The following SEMA6D variants were observed in gnomAD, a reference collection of about 807,000 sequenced individuals.
SEMA6D encodes the protein semaphorin-6D.
SEMA6D carries 35 observed loss-of-function variants against 106.6 expected under a neutral mutation model. The ratio of observed to expected loss-of-function variants is 0.33; its 90% CI spans 0.25 to 0.44. The LOEUF is 0.44. Among genes scored for constraint, SEMA6D ranks in the 20% least tolerant of loss-of-function variants. The pLI is 1.00. For synonymous variants in SEMA6D, 499 were observed against 487.7 expected, an observed-to-expected ratio of 1.02 and a Z score of -0.31; for missense variants, 1,185 against 1,345.9, an observed-to-expected ratio of 0.88 and a Z score of 1.87.
intron 18 of SEMA6D, among the ~76,000 whole-genome samples, chr15:47,769,115 T>G (rs914442729): frequency 1.3e-5 from 2 of 152,182 alleles, no homozygotes; most frequent in Admixed American, 6.5e-5. Context: ...AGATGTTTTG[T>G]CTAGGAGCCT....
chr15:47,310,639 A>T (rs2036412531), intron 1 of SEMA6D, among the ~76,000 whole-genome samples: 5 of 152,090 alleles, frequency 3.3e-5, no homozygotes, highest in Admixed American at 3.3e-4. Flanking sequence ...ATTGTTATGG[A>T]TATCTGGGTA....
chr15:47,323,685 G>C (rs1260281123), intron 1 of SEMA6D, among the ~76,000 whole-genome samples: 1 of 152,142 alleles, frequency 6.6e-6, no homozygotes, highest in East Asian at 1.9e-4. Flanking sequence ...CCAGGGATCT[G>C]TCCTTGTCTA....
intron 1 of SEMA6D, among the ~76,000 whole-genome samples, chr15:47,319,617 C>A (rs1275588269): frequency 6.6e-6 from 1 of 152,060 alleles, no homozygotes; most frequent in Non-Finnish European, 1.5e-5. Flanking sequence ...TTCCCTCCCC[C>A]CATTTCAGGT....
intron 2 of SEMA6D, among the ~76,000 whole-genome samples, chr15:47,458,858 G>C (rs1197686044): frequency 6.6e-6 from 1 of 151,668 alleles, no homozygotes; most frequent in Non-Finnish European, 1.5e-5. Context: ...AAGCTATGAG[G>C]TCAAAACCAA....
chr15:47,766,073 A>G (rs748335369), intron 14 of SEMA6D, 32 bp from the exon 15 acceptor site: 22 of 1,612,904 alleles, frequency 1.4e-5, no homozygotes, highest in Non-Finnish European at 1.8e-5. Flanking sequence ...TGATGAGAAA[A>G]TCCAAGTTAC....
intron 3 of SEMA6D, among the ~76,000 whole-genome samples, chr15:47,502,830 A>G (rs1325572979): frequency 1.3e-5 from 2 of 152,234 alleles, no homozygotes; most frequent in Admixed American, 6.5e-5. Context: ...AAAGCATTTG[A>G]TATTCTCATC....
Position 47,657,719 on chromosome 15 carries a change from CTTTTTTTTTTTTTTTTTTTTTTT to C in SEMA6D, c.-55+56841_-55+56863del, listed in dbSNP as rs71118191. On this transcript the variant is annotated intron_variant, in intron 4 of 19. Transcript: ENST00000558014. ...CATTTAGTGACAGAGGGCTTCATTTCTTTTTTTTTTTTTTTTTTTTTTTTTTTTTTTTTTTTTTTTGAGACAGA... is the reference window on the plus strand; with the variant it reads ...CATTTAGTGACAGAGGGCTTCATTTCTTTTTTTTTTTTTTTTTGAGACAGA... Among the ~76,000 whole-genome samples, 455 of 54,694 alleles carry C rather than the reference CTTTTTTTTTTTTTTTTTTTTTTT, an allele frequency of 8.3e-3. 10 individuals are homozygous for C. Among genetic ancestry groups the C allele is most frequent in the East Asian group, 0.071 (128 of 1,812 alleles). The allele number at this position is 54,694 out of a possible 152,430, so 35.9% of individuals were successfully genotyped here. A position where few individuals can be genotyped will look rare whatever the true frequency, so the allele number is the denominator to read the frequency against.
At position 47,771,499 on chromosome 15, in the gene SEMA6D, AAAACTT is replaced by A. The variant is rs772291467; in HGVS notation, c.2942_2947del (p.Leu981_Asn982del). On this transcript the variant is annotated inframe_deletion, in exon 19 of 19. Coordinates refer to ENST00000536845, the MANE Select transcript of SEMA6D (RefSeq NM_001358351.3). ...AGGCACTCTATATCTGCTATGCCTAAAAACTTAAACTCACCAAATGGTGTTTTGTTA... is the reference window on the plus strand; with the variant it reads ...AGGCACTCTATATCTGCTATGCCTAAAAACTCACCAAATGGTGTTTTGTTA... 1 of 1,614,132 alleles carries A rather than the reference AAAACTT, an allele frequency of 6.2e-7. No homozygotes were observed. The highest frequency in any genetic ancestry group is 1.1e-5 in the South Asian group (1 of 91,078).
chr15:47,314,571 C>T (rs1322377796), intron 1 of SEMA6D, among the ~76,000 whole-genome samples: 2 of 106,946 alleles, frequency 1.9e-5, no homozygotes, highest in African/African-American at 6.1e-5. Flanking sequence ...GCACTCCAGC[C>T]TGGGCGACAG....
chr15:47,372,528 C>A (rs1383150304), intron 1 of SEMA6D, among the ~76,000 whole-genome samples: 3 of 152,180 alleles, frequency 2.0e-5, no homozygotes, highest in African/African-American at 7.2e-5. Context: ...ATTTAGCTCA[C>A]CTTCCTGCCT....
At chr15:47,488,720 G>C (rs2041405987) in intron 3 of SEMA6D, among the ~76,000 whole-genome samples, 1 of 152,130 alleles carries the variant, frequency 6.6e-6, no homozygotes, top group Non-Finnish European at 1.5e-5. Flanking sequence ...AATGTGCAAA[G>C]ACACTGAGTG....
intron 4 of SEMA6D, among the ~76,000 whole-genome samples, chr15:47,628,114 C>T (rs1397139825): frequency 6.6e-6 from 1 of 151,858 alleles, no homozygotes; most frequent in East Asian, 1.9e-4. Context: ...TATGATATAC[C>T]ATGGATTGTT....
intron 1 of SEMA6D, among the ~76,000 whole-genome samples, chr15:47,371,643 A>T (rs569723486): frequency 1.1e-3 from 171 of 152,264 alleles, no homozygotes; most frequent in African/African-American, 4.0e-3. Context: ...GGTACTGAGC[A>T]ACTTGTTGAC....
intron 7 of SEMA6D, 128 bp from the exon 8 acceptor site, chr15:47,762,072 T>G (rs2082088354): frequency 5.0e-6 from 5 of 999,024 alleles, no homozygotes; most frequent in Non-Finnish European, 7.5e-6. Flanking sequence ...GAGAATCAGG[T>G]GTAGCCCTAT....
At chr15:47,236,153 C>G (rs1436041275) in intron 1 of SEMA6D, among the ~76,000 whole-genome samples, 1 of 152,014 alleles carries the variant, frequency 6.6e-6, no homozygotes, top group Non-Finnish European at 1.5e-5. Context: ...AAGGTTGATT[C>G]CAATAGTTTT....
At chr15:47,557,813 ACT>A (rs1186148129) in intron 3 of SEMA6D, among the ~76,000 whole-genome samples, 2 of 152,110 alleles carry the variant, frequency 1.3e-5, no homozygotes, top group South Asian at 2.1e-4. Context: ...GGGTCTGGTA[ACT>A]CTGCTGTTAG....
At chr15:47,355,450 G>T (rs1299508223) in intron 1 of SEMA6D, among the ~76,000 whole-genome samples, 2 of 152,152 alleles carry the variant, frequency 1.3e-5, no homozygotes, top group African/African-American at 4.8e-5. Flanking sequence ...GATCAGAAGT[G>T]GGAAAAATAA....
At chr15:47,637,658 G>A (rs2077414331) in intron 4 of SEMA6D, among the ~76,000 whole-genome samples, 1 of 152,144 alleles carries the variant, frequency 6.6e-6, no homozygotes, top group Non-Finnish European at 1.5e-5. Flanking sequence ...TTTGGAAGTA[G>A]TTATTTTCAG....
intron 18 of SEMA6D, among the ~76,000 whole-genome samples, chr15:47,769,415 G>T (rs1481502521): frequency 6.6e-6 from 1 of 152,042 alleles, no homozygotes; most frequent in African/African-American, 2.4e-5. Flanking sequence ...TATATCGGTT[G>T]ATTTTCATTT....
Sources: allele counts gnomAD v4.1 joint callset (sites outside exome capture counted in the v4.1 genomes callset), GRCh38; gene constraint gnomAD v4.1.1; transcripts MANE v1.5; gene names NCBI Gene and HGNC (gene_info 2026-07-23, HGNC 2026-07-21).